POLK: variants seen among roughly 807,000 people sequenced by gnomAD.
POLK encodes DNA polymerase kappa.
In POLK, 76 loss-of-function variants were observed where a neutral mutation model predicts 94.0. The ratio of observed to expected loss-of-function variants is 0.81; its 90% CI spans 0.67 to 0.98. The LOEUF (loss-of-function observed/expected upper bound fraction) is 0.98. POLK is among the 50% of genes least tolerant of loss of function. The pLI, the probability that POLK is intolerant of heterozygous loss-of-function variation, is 0.00. For missense variants in POLK, 954 were observed against 1,010.1 expected (o/e 0.94, Z 0.75); for synonymous variants, 349 against 325.4 (o/e 1.07, Z -0.78).
intron 4 of POLK, among the ~76,000 whole-genome samples, chr5:75,571,533 A>G (rs1429050668): frequency 6.6e-6 from 1 of 152,166 alleles, no homozygotes; most frequent in Non-Finnish European, 1.5e-5. Context: ...AACTGAGGCT[A>G]AAAAATCCAA....
At chr5:75,587,715 G>C (rs1180604103) in intron 10 of POLK, among the ~76,000 whole-genome samples, 1 of 152,166 alleles carries the variant, frequency 6.6e-6, no homozygotes, top group Non-Finnish European at 1.5e-5. Context: ...GAGGCCAGGA[G>C]TTCGAGACCA....
intron 1 of POLK, among the ~76,000 whole-genome samples, chr5:75,543,002 C>T (rs964030082): frequency 6.7e-5 from 10 of 149,002 alleles, no homozygotes; most frequent in African/African-American, 9.9e-5. Flanking sequence ...TGAGCCACCG[C>T]GCCCAGCCTT....
intron 1 of POLK, among the ~76,000 whole-genome samples, chr5:75,538,394 A>G (rs962122745): frequency 2.0e-5 from 3 of 152,246 alleles, no homozygotes; most frequent in African/African-American, 7.2e-5. Flanking sequence ...TTAAGCTAAC[A>G]TAAACCACAT....
At chr5:75,530,396 C>CTTTTTTT (rs201266079) in intron 1 of POLK, among the ~76,000 whole-genome samples, 807 of 61,652 alleles carry the variant, frequency 0.013, 9 homozygotes, top group Non-Finnish European at 0.016. Context: ...TTCCCTTTTT[C>CTTTTTTT]TTTTTTTTTT....
chr5:75,554,650 C>G (rs1281730959), intron 3 of POLK, among the ~76,000 whole-genome samples: 1 of 152,074 alleles, frequency 6.6e-6, no homozygotes, highest in Non-Finnish European at 1.5e-5. Flanking sequence ...GATCCTCTCC[C>G]TCCTCCCATC....
chr5:75,549,910 C>T (rs1174025628), intron 2 of POLK, among the ~76,000 whole-genome samples: 1 of 151,896 alleles, frequency 6.6e-6, no homozygotes, highest in Non-Finnish European at 1.5e-5. Flanking sequence ...TAGAAGTTTA[C>T]AATTTTTCAA....
intron 4 of POLK, among the ~76,000 whole-genome samples, chr5:75,572,973 G>A (rs1771673226): frequency 6.6e-6 from 1 of 152,168 alleles, no homozygotes; most frequent in South Asian, 2.1e-4. Flanking sequence ...CAGGGATCTA[G>A]AACTAGAAAC....
At chr5:75,531,803 T>A (rs1769196365) in intron 1 of POLK, among the ~76,000 whole-genome samples, 1 of 149,956 alleles carries the variant, frequency 6.7e-6, no homozygotes, top group African/African-American at 2.4e-5. Context: ...AAAAAAAAAA[T>A]AAGAAAGTAA....
intron 10 of POLK, among the ~76,000 whole-genome samples, chr5:75,588,087 AAG>A (rs781243905): frequency 1.3e-5 from 2 of 152,172 alleles, no homozygotes; most frequent in South Asian, 4.1e-4. Flanking sequence ...AAAGCAATCA[AAG>A]AGAGAGAGAA....
At chr5:75,553,011 T>C (rs761688570) in intron 3 of POLK, among the ~76,000 whole-genome samples, 1 of 152,122 alleles carries the variant, frequency 6.6e-6, no homozygotes, top group Non-Finnish European at 1.5e-5. Context: ...GTTAACTAAT[T>C]AAATTGGAGA....
At chr5:75,590,908 A>G (rs986242541) in intron 11 of POLK, among the ~76,000 whole-genome samples, 2 of 152,212 alleles carry the variant, frequency 1.3e-5, no homozygotes, top group African/African-American at 2.4e-5. Flanking sequence ...ACAGGACAAC[A>G]AAACCTATAA....
At chr5:75,574,064 A>G (rs1000886572) in intron 5 of POLK, among the ~76,000 whole-genome samples, 195 bp downstream of exon 5, 5 of 152,082 alleles carry the variant, frequency 3.3e-5, no homozygotes, top group African/African-American at 1.2e-4. Flanking sequence ...CTTTTTCCCA[A>G]TTCTTTGCCT....
At chr5:75,520,316 T>C (rs1464613432) in intron 1 of POLK, among the ~76,000 whole-genome samples, 1 of 152,232 alleles carries the variant, frequency 6.6e-6, no homozygotes, top group African/African-American at 2.4e-5. Flanking sequence ...ACTAGAATTA[T>C]GGGAGGACCA....
intron 7 of POLK, chr5:75,582,092 A>ACAT (rs1405480230): frequency 1.0e-6 from 1 of 985,650 alleles, no homozygotes; most frequent in African/African-American, 1.7e-5. Context: ...GTCCAAGATT[A>ACAT]CATTGCAGGA....
chr5:75,557,281 T>A (rs1185152701), intron 3 of POLK, among the ~76,000 whole-genome samples: 1 of 152,222 alleles, frequency 6.6e-6, no homozygotes, highest in African/African-American at 2.4e-5. Flanking sequence ...TCAGTTTTGT[T>A]CTTCTTCTAC....
downstream of POLK, among the ~76,000 whole-genome samples, chr5:75,605,799 G>T (rs1773408806): frequency 6.6e-6 from 1 of 152,144 alleles, no homozygotes; most frequent in African/African-American, 2.4e-5. Flanking sequence ...CAAGGATAAA[G>T]GAGAAATCTT....
exon 12 of POLK, chr5:75,593,951 T>C (rs1772927565): frequency 2.9e-5 from 46 of 1,606,782 alleles, no homozygotes; most frequent in Non-Finnish European, 3.6e-5. Context: ...GTTTCATCTG[T>C]TGTTTCTACT....
Position 75,526,249 on chromosome 5 carries a change from G to A in POLK, c.-14+14335G>A, listed in dbSNP as rs1410133204. Among the ~76,000 whole-genome samples the A allele has an allele frequency of 2.6e-5, 4 of 151,936 alleles. 1 individual carries two copies. In the South Asian group the frequency reaches 8.3e-4, roughly 32 times the overall value. ...TCTTAAAAAAAAGAAAAAAGAAAAG[G>A]GAAGAAACCACTGACAGTATTGTAA... On this transcript the variant is annotated intron_variant, in intron 1 of 14. Transcript: ENST00000241436.
chr5:75,551,340 G>C (rs1038137129), intron 2 of POLK, among the ~76,000 whole-genome samples: 1 of 151,848 alleles, frequency 6.6e-6, no homozygotes, highest in Admixed American at 6.6e-5. Context: ...ACTTTGGAAG[G>C]CTGAGGTAGG....
Sources: allele counts gnomAD v4.1 joint callset (sites outside exome capture counted in the v4.1 genomes callset), GRCh38; gene constraint gnomAD v4.1.1; transcripts MANE v1.5; gene names NCBI Gene and HGNC (gene_info 2026-07-23, HGNC 2026-07-21).